Variants in SMURF1 observed in about 807,000 individuals in gnomAD.
The protein encoded by SMURF1 is SMAD specific E3 ubiquitin protein ligase 1.
In SMURF1, 44 loss-of-function variants were observed where a neutral mutation model predicts 98.0. That is an observed-to-expected ratio of 0.45 (90% CI 0.35 to 0.58). The LOEUF is 0.58. Among genes scored for constraint, SMURF1 ranks in the 20% least tolerant of loss-of-function variants. SMURF1 has a pLI of 0.00. For missense variants in SMURF1, 687 were observed against 938.4 expected (o/e 0.73, Z 3.50); for synonymous variants, 396 against 374.9 (o/e 1.06, Z -0.65).
intron 1 of SMURF1, among the ~76,000 whole-genome samples, chr7:99,064,891 CTCA>C (rs1016771557): frequency 6.6e-6 from 1 of 152,086 alleles, no homozygotes; most frequent in Non-Finnish European, 1.5e-5. Context: ...GCCCCAAAAC[CTCA>C]TCATTACTGT....
intron 10 of SMURF1, among the ~76,000 whole-genome samples, chr7:99,047,364 G>A (rs1460962389): frequency 6.6e-6 from 1 of 152,170 alleles, no homozygotes; most frequent in Non-Finnish European, 1.5e-5. Context: ...CTATTTTTTA[G>A]TGCTAGTTTC....
rs1798208594 is a variant in SMURF1 at position 99,143,835 on chromosome 7, C to T, written c.-55G>A. 1 of 1,446,626 alleles carries T rather than the reference C, an allele frequency of 6.9e-7. No homozygotes were observed. Among genetic ancestry groups the T allele is most frequent in the Non-Finnish European group, 9.1e-7 (1 of 1,094,710 alleles). The allele number at this position is 1,446,626 out of a possible 1,614,324, so 89.6% of individuals were successfully genotyped here. A position where few individuals can be genotyped will look rare whatever the true frequency, so the allele number is the denominator to read the frequency against. ...CCAGCGCCACCGCCCCCCAGCCCGG[C>T]CCGGCCCGGCCCCGCCGCCGCCGCC... On this transcript the variant is annotated 5_prime_UTR_variant, in exon 1 of 18. Transcript: ENST00000361368.
intron 13 of SMURF1, among the ~76,000 whole-genome samples, chr7:99,038,842 C>T (rs756376683): frequency 3.3e-5 from 5 of 152,012 alleles, no homozygotes; most frequent in African/African-American, 7.3e-5. Flanking sequence ...AAGGCAGGAA[C>T]GTGAAGAGGT....
intron 10 of SMURF1, 67 bp from the exon 11 acceptor site, chr7:99,045,868 G>T: frequency 8.0e-7 from 1 of 1,247,590 alleles, no homozygotes; most frequent in Non-Finnish European, 1.2e-6. Flanking sequence ...AAAGGTCATT[G>T]ATAATGGAGC....
chr7:99,038,513 G>T lies in SMURF1; in HGVS notation c.1563C>A (p.Ile521=). 1 of 1,613,944 alleles carries T rather than the reference G, an allele frequency of 6.2e-7. No homozygotes were observed. The stretch of plus-strand genomic sequence containing the variant: ...AGAAGGTGTGGTCCAGTACAGGCGT[G>T]ATGTCGTTCTCTCTGTTGAAATAAG... The part of the protein sequence containing the change: ...KSLVWILEND[I]TPVLDHTFCV... Residue 521 remains isoleucine (I), a synonymous_variant, in exon 14 of 18, where the codon ATC becomes ATA. Coordinates refer to ENST00000361368, the MANE Select transcript of SMURF1 (RefSeq NM_181349.3).
intron 1 of SMURF1, among the ~76,000 whole-genome samples, chr7:99,068,510 A>G (rs1294017505): frequency 6.6e-6 from 1 of 152,164 alleles, no homozygotes; most frequent in African/African-American, 2.4e-5. Context: ...TATGTTGCCC[A>G]GGCTGCTCCA....
chr7:99,071,792 G>A (rs139352585), intron 1 of SMURF1, among the ~76,000 whole-genome samples: 1,623 of 152,298 alleles, frequency 0.011, 33 homozygotes, highest in African/African-American at 0.037. Flanking sequence ...ACAAGGGCAA[G>A]GCCAGACTCA....
intron 13 of SMURF1, 90 bp from the exon 14 acceptor site, chr7:99,038,615 C>T: frequency 6.7e-7 from 1 of 1,500,454 alleles, no homozygotes; most frequent in African/African-American, 1.4e-5. Context: ...ACTGCCAAAC[C>T]CGGGGCTGCA....
At chr7:99,143,583 C>G in intron 1 of SMURF1, 143 bp downstream of exon 1, 1 of 595,338 alleles carries the variant, frequency 1.7e-6, no homozygotes, top group East Asian at 3.8e-5. Flanking sequence ...GAGGGAGAAG[C>G]GAGGGGCGCA....
intron 1 of SMURF1, among the ~76,000 whole-genome samples, chr7:99,122,761 T>A (rs1364158426): frequency 6.7e-6 from 1 of 148,696 alleles, no homozygotes; most frequent in East Asian, 1.9e-4. Context: ...TTTTTTTTTT[T>A]TTTTTTTTAC....
intron 1 of SMURF1, among the ~76,000 whole-genome samples, chr7:99,085,116 C>T (rs1222766185): frequency 2.0e-5 from 3 of 151,892 alleles, no homozygotes; most frequent in Non-Finnish European, 2.9e-5. Flanking sequence ...TTTGGGAGGC[C>T]GAGGTGGGTG....
Position 99,051,458 on chromosome 7 carries a change from A to G in SMURF1, c.722-17T>C. 1 of 1,601,784 alleles carries G rather than the reference A, an allele frequency of 6.2e-7. No homozygotes were observed. Among genetic ancestry groups the G allele is most frequent in the South Asian group, 1.1e-5 (1 of 90,804 alleles). On this transcript the variant is annotated splice_polypyrimidine_tract_variant and intron_variant, in intron 7 of 17. Transcript: ENST00000361368. ...TTCTTTGTTCTACACAAGAAATTAG[A>G]GATCCAAATGAGACAAGTTCAATTC...
chr7:99,113,039 C>A (rs756955060), intron 1 of SMURF1, among the ~76,000 whole-genome samples: 113 of 151,892 alleles, frequency 7.4e-4, no homozygotes, highest in Non-Finnish European at 1.2e-3. Flanking sequence ...TGTGGAATAC[C>A]ATCTGGCATA....
chr7:99,074,210 G>A (rs1157450001), intron 1 of SMURF1, among the ~76,000 whole-genome samples: 2 of 152,220 alleles, frequency 1.3e-5, no homozygotes, highest in Admixed American at 1.3e-4. Context: ...ATGACCTGAA[G>A]GACGCATGAA....
chr7:99,143,659 C>A (rs1798197394), intron 1 of SMURF1, 67 bp downstream of exon 1: 26 of 1,410,896 alleles, frequency 1.8e-5, no homozygotes, highest in Non-Finnish European at 2.5e-5. Flanking sequence ...TCCAAGGGCG[C>A]CCTGCGGGGA....
At chr7:99,041,410 G>A (rs1051100949) in intron 12 of SMURF1, among the ~76,000 whole-genome samples, 3 of 152,072 alleles carry the variant, frequency 2.0e-5, no homozygotes, top group Non-Finnish European at 4.4e-5. Flanking sequence ...TCAAAAAAAA[G>A]AAAAGAACCA....
At position 99,029,670 on chromosome 7, in the gene SMURF1, G is replaced by A. The variant is rs1794813074; in HGVS notation, c.*914C>T. On this transcript the variant is annotated 3_prime_UTR_variant, in exon 18 of 18. Coordinates refer to ENST00000361368, the MANE Select transcript of SMURF1 (RefSeq NM_181349.3). ...TTTGTTAGTTTAGCTCTTAGCAGTT[G>A]CTGCATCATGGTTTACTAATATTTT... The A allele has an allele frequency of 6.6e-6, 1 of 152,206 alleles. No individual in the cohort carries two copies. The highest frequency in any genetic ancestry group is 1.5e-5 in the Non-Finnish European group (1 of 68,038). The allele number at this position is 152,206 out of a possible 1,614,324, so 9.4% of individuals were successfully genotyped here.
chr7:99,082,050 T>C (rs1178078006), intron 1 of SMURF1, among the ~76,000 whole-genome samples: 1 of 152,248 alleles, frequency 6.6e-6, no homozygotes, highest in Admixed American at 6.5e-5. Context: ...CTGAGCATCT[T>C]TTCATGGGCT....
chr7:99,027,902 CAG>C lies in SMURF1; in HGVS notation c.*2680_*2681del, dbSNP rs1021340779. ...TTTGGACCATACGTCCGAACAAGCTCAGGGGTCGAAATTCGATCTGGTGGCAG... is the reference window on the plus strand; with the variant it reads ...TTTGGACCATACGTCCGAACAAGCTCGGGTCGAAATTCGATCTGGTGGCAG... On this transcript the variant is annotated 3_prime_UTR_variant, in exon 18 of 18. Transcript: ENST00000361368. 2.6e-5 allele frequency: 4 copies of C among 152,586 alleles called. No homozygotes were observed. Among genetic ancestry groups the C allele is most frequent in the African/African-American group, 4.8e-5 (2 of 41,422 alleles). 9.5% of individuals were successfully genotyped at this position (152,586 alleles called of 1,614,324 possible). A position where few individuals can be genotyped will look rare whatever the true frequency, so the allele number is the denominator to read the frequency against.
Sources: gnomAD v4.1 joint callset for allele counts (sites outside exome capture counted in the v4.1 genomes callset) on GRCh38, gnomAD v4.1.1 for gene constraint, MANE v1.5 for transcripts, NCBI Gene and HGNC (gene_info 2026-07-23, HGNC 2026-07-21) for gene names.